Variants in USP12 observed in about 807,000 individuals in gnomAD.
The protein encoded by USP12 is ubiquitin carboxyl-terminal hydrolase 12.
USP12 carries 19 observed loss-of-function variants against 45.5 expected under a neutral mutation model. That is an observed-to-expected ratio of 0.42 (90% CI 0.29 to 0.61). USP12 has a LOEUF of 0.61. USP12 is among the 20% of genes least tolerant of loss of function. USP12 has a pLI of 0.22. For synonymous variants in USP12, 149 were observed against 148.8 expected, an observed-to-expected ratio of 1.00 and a Z score of -0.01; for missense variants, 242 against 447.7, an observed-to-expected ratio of 0.54 and a Z score of 4.15.
At chr13:27,074,681 G>C (rs1318592947) in intron 7 of USP12, among the ~76,000 whole-genome samples, 1 of 152,204 alleles carries the variant, frequency 6.6e-6, no homozygotes, top group East Asian at 1.9e-4. Flanking sequence ...CGTTCATACA[G>C]AGAAGATGTG....
chr13:27,090,828 T>C (rs1182627305), intron 4 of USP12, among the ~76,000 whole-genome samples: 1 of 152,192 alleles, frequency 6.6e-6, no homozygotes, highest in Non-Finnish European at 1.5e-5. Context: ...GCTTTCCCAT[T>C]TTAATACATC....
intron 1 of USP12, among the ~76,000 whole-genome samples, chr13:27,126,465 C>T (rs771362492): frequency 6.6e-6 from 1 of 152,156 alleles, no homozygotes; most frequent in East Asian, 1.9e-4. Flanking sequence ...TTGACTCTTT[C>T]TTTAGGGGTA....
chr13:27,169,611 T>C (rs1333314604), intron 1 of USP12, among the ~76,000 whole-genome samples: 5 of 152,206 alleles, frequency 3.3e-5, no homozygotes, highest in African/African-American at 1.2e-4. Flanking sequence ...GCCCCACATG[T>C]AATTAATGTA....
At chr13:27,072,751 G>T (rs1313234203) in intron 7 of USP12, among the ~76,000 whole-genome samples, 4 of 152,154 alleles carry the variant, frequency 2.6e-5, no homozygotes, top group Non-Finnish European at 5.9e-5. Flanking sequence ...ACATGGGCTT[G>T]AAGGGTAATA....
At chr13:27,119,770 T>C (rs965392337) in intron 1 of USP12, among the ~76,000 whole-genome samples, 1 of 152,218 alleles carries the variant, frequency 6.6e-6, no homozygotes, top group African/African-American at 2.4e-5. Flanking sequence ...TAGGACAGAC[T>C]GACGGTAGCA....
chr13:27,147,180 T>C (rs1713633994), intron 1 of USP12, among the ~76,000 whole-genome samples: 1 of 152,128 alleles, frequency 6.6e-6, no homozygotes, highest in South Asian at 2.1e-4. Context: ...GAATACACCA[T>C]GGTATAAACT....
At chr13:27,091,837 C>G (rs114702958) in intron 4 of USP12, among the ~76,000 whole-genome samples, 1 of 152,334 alleles carries the variant, frequency 6.6e-6, no homozygotes, top group African/African-American at 2.4e-5. Context: ...ACACCAGCTT[C>G]CTACCACCTG....
At chr13:27,170,147 A>G (rs1878521993) in intron 1 of USP12, 1 of 395,790 alleles carries the variant, frequency 2.5e-6, no homozygotes, top group South Asian at 1.4e-4. Flanking sequence ...CTAAAATGTA[A>G]ACTGTGAGAA....
At chr13:27,150,639 C>A (rs1405090220) in intron 1 of USP12, among the ~76,000 whole-genome samples, 1 of 152,162 alleles carries the variant, frequency 6.6e-6, no homozygotes, top group Non-Finnish European at 1.5e-5. Flanking sequence ...GTAATGATCA[C>A]TTGAGTCCAG....
intron 1 of USP12, among the ~76,000 whole-genome samples, chr13:27,154,808 A>G (rs1024371562): frequency 3.3e-5 from 5 of 152,236 alleles, no homozygotes; most frequent in East Asian, 1.9e-4. Flanking sequence ...GGTGAGCCCT[A>G]TGTAATCACA....
At chr13:27,158,422 T>C (rs891137251) in intron 1 of USP12, among the ~76,000 whole-genome samples, 1 of 152,230 alleles carries the variant, frequency 6.6e-6, no homozygotes, top group Non-Finnish European at 1.5e-5. Flanking sequence ...GTTACAGGCA[T>C]GCACCACTTA....
intron 1 of USP12, among the ~76,000 whole-genome samples, chr13:27,148,691 T>TATATATATATATATAA (rs1215667357): frequency 7.2e-6 from 1 of 138,272 alleles, no homozygotes; most frequent in African/African-American, 2.6e-5. Flanking sequence ...TATATATATA[T>TATATATATATATATAA]AATATAAATA....
In USP12 at chr13:27,102,011, T is replaced by TGAATG. The variant is rs1555234355; in HGVS notation, c.343+3719_343+3720insCATTC. ...ATAATGAGATGTATTTCCCATTTTT[T>TGAATG]AATGAATGAATGAATGAATGAATGA... is the stretch of plus-strand genomic sequence containing the variant. On this transcript the variant is annotated intron_variant, in intron 3 of 8. Coordinates refer to ENST00000282344, the MANE Select transcript of USP12 (RefSeq NM_182488.4). Among the ~76,000 whole-genome samples, 203 of 151,742 alleles carry TGAATG rather than the reference T, an allele frequency of 1.3e-3. 2 individuals are homozygous for TGAATG. The highest frequency in any genetic ancestry group is 4.3e-3 in the African/African-American group (176 of 41,190).
In USP12 at chr13:27,109,610, C is replaced by T. The variant is rs1237853514; in HGVS notation, c.130-3666G>A. 3.3e-5 allele frequency among the ~76,000 whole-genome samples: 5 copies of T among 152,040 alleles called. No individual in the cohort carries two copies. The East Asian group carries it at 9.6e-4, about 29-fold the overall frequency. ...TGGAGTTTACTTAGATCCTGATTTA[C>T]AAACCAACTATAAAAAGTCATCTTT... is the stretch of plus-strand genomic sequence containing the variant. On this transcript the variant is annotated intron_variant, in intron 2 of 8. Transcript: ENST00000282344.
chr13:27,133,114 T>C (rs962061707), intron 1 of USP12, among the ~76,000 whole-genome samples: 2 of 152,374 alleles, frequency 1.3e-5, no homozygotes, highest in African/African-American at 4.8e-5. Context: ...GTTGTCTCTC[T>C]AATCCTATTT....
At chr13:27,151,261 G>A (rs1326920811) in intron 1 of USP12, among the ~76,000 whole-genome samples, 1 of 152,022 alleles carries the variant, frequency 6.6e-6, no homozygotes, top group Non-Finnish European at 1.5e-5. Flanking sequence ...AACACGGGAG[G>A]TGGAGGTTGC....
intron 6 of USP12, among the ~76,000 whole-genome samples, chr13:27,081,009 AT>A (rs372527345): frequency 7.9e-4 from 90 of 114,634 alleles, no homozygotes; most frequent in African/African-American, 1.9e-3. Context: ...GGCTGAGGCA[AT>A]TTTTTTTTTT....
At position 27,095,709 on chromosome 13, in the gene USP12, A is replaced by G; in HGVS notation, c.465T>C (p.Asn155=). 1 of 1,613,292 alleles carries G rather than the reference A, an allele frequency of 6.2e-7. No individual in the cohort carries two copies. The highest frequency in any genetic ancestry group is 1.1e-5 in the South Asian group (1 of 90,972). ...KQEKQNGRLP[N]GNIDNENNNS... is the part of the protein sequence containing the mutation. ...TATTATTTTCATTATCAATATTACC[A>G]TTAGGTAAACGACCATTTTGTTTTT... is the stretch of plus-strand genomic sequence containing the variant. Residue 155 remains asparagine, a synonymous_variant, in exon 4 of 9, where the codon AAT becomes AAC. Transcript: ENST00000282344.
intron 6 of USP12, among the ~76,000 whole-genome samples, chr13:27,080,972 A>G (rs116533058): frequency 6.6e-6 from 1 of 150,922 alleles, no homozygotes; most frequent in African/African-American, 2.4e-5. Flanking sequence ...CTGACTGATC[A>G]GGATGGTGGT....
Sources: gnomAD v4.1 joint callset for allele counts (sites outside exome capture counted in the v4.1 genomes callset) on GRCh38, gnomAD v4.1.1 for gene constraint, MANE v1.5 for transcripts, NCBI Gene and HGNC (gene_info 2026-07-23, HGNC 2026-07-21) for gene names.